RIPOR2: variants seen among roughly 807,000 people sequenced by gnomAD.
The protein encoded by RIPOR2 is rho family-interacting cell polarization regulator 2.
In RIPOR2, 39 loss-of-function variants were observed where a neutral mutation model predicts 114.5. The observed-to-expected ratio is 0.34, with a 90% CI of 0.26 to 0.44. The LOEUF is 0.44. RIPOR2 is among the 20% of genes least tolerant of loss of function. The pLI, the probability that RIPOR2 is intolerant of heterozygous loss-of-function variation, is 1.00. For synonymous variants in RIPOR2, 445 were observed against 484.4 expected (o/e 0.92, Z 1.07); for missense variants, 1,007 against 1,255.1 (o/e 0.80, Z 2.99).
At chr6:25,018,556 T>C (rs1054215053) in intron 1 of RIPOR2, among the ~76,000 whole-genome samples, 1 of 152,214 alleles carries the variant, frequency 6.6e-6, no homozygotes, top group Non-Finnish European at 1.5e-5. Context: ...ACAATGTATT[T>C]ATTTATTAAA....
In RIPOR2 at chr6:24,858,567, G is replaced by A. The variant is rs1763725028; in HGVS notation, c.715+2406C>T. On this transcript the variant is annotated intron_variant, in intron 8 of 21. Coordinates refer to ENST00000643898, the MANE Select transcript of RIPOR2 (RefSeq NM_001286445.3). This position sits in a 1 kb window ranked among gnomAD's most constrained non-coding sequence, Gnocchi z 4.0. ...GAGGAAGAGAAAGATTTCCATGGGGGTGTTTACCATTGAAAGCCTTCACAG... is the reference window on the plus strand; with the variant it reads ...GAGGAAGAGAAAGATTTCCATGGGGATGTTTACCATTGAAAGCCTTCACAG... 6.6e-6 allele frequency among the ~76,000 whole-genome samples: 1 copy of A among 152,160 alleles called. No individual in the cohort carries two copies. Among genetic ancestry groups the A allele is most frequent in the Non-Finnish European group, 1.5e-5 (1 of 68,036 alleles).
At chr6:24,914,531 G>A (rs1015425002) in intron 1 of RIPOR2, among the ~76,000 whole-genome samples, 1 of 152,180 alleles carries the variant, frequency 6.6e-6, no homozygotes, top group African/African-American at 2.4e-5. Context: ...GAATTACGAA[G>A]GAGGCAGCAC....
At chr6:24,971,454 C>T (rs1226394695) in intron 1 of RIPOR2, among the ~76,000 whole-genome samples, 1 of 152,264 alleles carries the variant, frequency 6.6e-6, no homozygotes, top group Non-Finnish European at 1.5e-5. Flanking sequence ...AGTGCTCTCG[C>T]AGCCTGTTAT....
chr6:24,910,813 C>A, intron 1 of RIPOR2: 5 of 985,522 alleles, frequency 5.1e-6, no homozygotes, highest in Non-Finnish European at 6.0e-6. Context: ...AAAAGGTGAA[C>A]CTACCTAACG....
At chr6:24,910,675 G>A (rs1313872347) in intron 1 of RIPOR2, 2 of 364,228 alleles carry the variant, frequency 5.5e-6, no homozygotes, top group Non-Finnish European at 7.6e-6. Flanking sequence ...CACCAGGGTG[G>A]TGGAAGCTGA....
chr6:24,865,236 A>T, intron 7 of RIPOR2, 65 bp downstream of exon 7: 12 of 1,401,782 alleles, frequency 8.6e-6, no homozygotes, highest in Non-Finnish European at 1.1e-5. Context: ...TGTTCTTGGC[A>T]ATTACCAACA....
At chr6:24,817,978 C>CTTT (rs57294288) in intron 20 of RIPOR2, among the ~76,000 whole-genome samples, 1 of 118,366 alleles carries the variant, frequency 8.4e-6, no homozygotes, top group African/African-American at 3.1e-5. Flanking sequence ...CTCTCTCTCT[C>CTTT]TTTTTTTTTG....
At chr6:24,861,734 A>G (rs1764089649) in intron 7 of RIPOR2, among the ~76,000 whole-genome samples, 1 of 152,246 alleles carries the variant, frequency 6.6e-6, no homozygotes, top group South Asian at 2.1e-4. Context: ...GTTAAAATAC[A>G]TATAGGGTGA....
At chr6:24,840,408 A>C in intron 13 of RIPOR2, 1 of 1,211,132 alleles carries the variant, frequency 8.3e-7, no homozygotes, top group Non-Finnish European at 1.0e-6. Flanking sequence ...TCTGGCCTGG[A>C]GCATTCTATA....
chr6:24,976,307 C>A, intron 1 of RIPOR2: 1 of 723,656 alleles, frequency 1.4e-6, no homozygotes, highest in Non-Finnish European at 2.3e-6. Context: ...ATTGTGCAAC[C>A]ACTTAAATTG....
intron 1 of RIPOR2, among the ~76,000 whole-genome samples, chr6:24,953,340 A>C (rs901410103): frequency 2.4e-4 from 36 of 151,514 alleles, no homozygotes; most frequent in African/African-American, 8.2e-4. Flanking sequence ...CCCCCCCCCA[A>C]AAAAAATTAA....
chr6:24,935,317 CAACAAAAAAA>C (rs201469278), intron 1 of RIPOR2, among the ~76,000 whole-genome samples: 23,350 of 79,774 alleles, frequency 0.29, 1,948 homozygotes, highest in South Asian at 0.38. Context: ...CAAAAAACAA[CAACAAAAAAA>C]AAAAAAAAAA....
At chr6:24,966,621 G>A (rs1359019540) in intron 1 of RIPOR2, among the ~76,000 whole-genome samples, 1 of 152,150 alleles carries the variant, frequency 6.6e-6, no homozygotes, top group Non-Finnish European at 1.5e-5. Context: ...CAACAATTAT[G>A]CATGATGAAG....
intron 1 of RIPOR2, among the ~76,000 whole-genome samples, chr6:24,988,509 A>T (rs1263021314): frequency 1.3e-5 from 2 of 152,210 alleles, no homozygotes; most frequent in Non-Finnish European, 2.9e-5. Context: ...TTTATCTTTC[A>T]GTTGAGCACA....
chr6:24,907,074 A>C (rs1769075665), intron 1 of RIPOR2, among the ~76,000 whole-genome samples: 1 of 152,240 alleles, frequency 6.6e-6, no homozygotes, highest in African/African-American at 2.4e-5. Flanking sequence ...AGTTGAACTT[A>C]AAATCCACCT....
At chr6:24,882,554 G>A (rs777847379) in intron 1 of RIPOR2, among the ~76,000 whole-genome samples, 60 of 152,178 alleles carry the variant, frequency 3.9e-4, no homozygotes, top group Non-Finnish European at 7.1e-4. Flanking sequence ...GTTTTTACAA[G>A]CACAAAAGCC....
intron 1 of RIPOR2, among the ~76,000 whole-genome samples, chr6:24,918,046 G>A (rs1407452178): frequency 6.6e-6 from 1 of 152,166 alleles, no homozygotes; most frequent in Non-Finnish European, 1.5e-5. Context: ...GTCTCCTGGA[G>A]GGCTCACCTG....
intron 1 of RIPOR2, among the ~76,000 whole-genome samples, chr6:24,927,026 G>T (rs1473523638): frequency 3.3e-3 from 1 of 304 alleles, no homozygotes; most frequent in Non-Finnish European, 5.4e-3. Flanking sequence ...CCACCACCAT[G>T]ATTATTATAA....
chr6:24,845,111 T>A (rs1050938386), intron 12 of RIPOR2, among the ~76,000 whole-genome samples: 4 of 152,034 alleles, frequency 2.6e-5, no homozygotes, highest in African/African-American at 9.7e-5. Flanking sequence ...TGAAATGATG[T>A]GTCACTGGAC....
Sources: gnomAD v4.1 joint callset for allele counts (sites outside exome capture counted in the v4.1 genomes callset) on GRCh38, gnomAD v4.1.1 for gene constraint, Gnocchi (gnomAD v3.1) non-coding constraint, MANE v1.5 for transcripts, NCBI Gene and HGNC (gene_info 2026-07-23, HGNC 2026-07-21) for gene names.